DNAH14: variants seen among roughly 807,000 people sequenced by gnomAD.
The protein encoded by DNAH14 is axonemal beta dynein heavy chain 14.
A neutral mutation model predicts 520.9 loss-of-function variants in DNAH14; 478 were observed. The ratio of observed to expected loss-of-function variants is 0.92; its 90% CI spans 0.85 to 0.99. The LOEUF (loss-of-function observed/expected upper bound fraction) is 0.99, where lower values mean the gene tolerates loss of function less well. Among genes scored for constraint, DNAH14 ranks in the 50% least tolerant of loss-of-function variants. The probability of loss-of-function intolerance (pLI) is 0.00; values close to 1 mark genes in which losing one functional copy is unlikely to be tolerated. For synonymous variants in DNAH14, 1,581 were observed against 1,757.2 expected (o/e 0.90, Z 2.51); for missense variants, 4,831 against 5,234.5 (o/e 0.92, Z 2.38).
chr1:225,316,619 C>G (rs1574721931), intron 60 of DNAH14, among the ~76,000 whole-genome samples: 1 of 152,188 alleles, frequency 6.6e-6, no homozygotes, highest in Non-Finnish European at 1.5e-5. Flanking sequence ...TTCCCTGACC[C>G]CTTGTGCTTC....
chr1:225,388,582 G>A, intron 82 of DNAH14, 91 bp downstream of exon 82: 3 of 697,854 alleles, frequency 4.3e-6, no homozygotes, highest in South Asian at 2.3e-5. Context: ...GTCTCCTTGG[G>A]TTCTCACAGT....
chr1:225,051,484 A>G lies in DNAH14; in HGVS notation c.2113A>G (p.Met705Val), dbSNP rs140164319. 1.1e-4 allele frequency: 175 copies of G among 1,523,922 alleles called. No individual in the cohort carries two copies. In the African/African-American group the frequency reaches 2.1e-3, roughly 18 times the overall value. The allele number at this position is 1,523,922 out of a possible 1,614,324, so 94.4% of individuals were successfully genotyped here. ...TCTCCTGACTATTATTGGTAATTCA[A>G]TGGGCCTAGTTAATGCTTACAGCCA... ...VNLLTIIGNS[M>V]GLVNAYSHKF... Residue 705 changes from methionine to valine, a missense_variant, in exon 17 of 86, where the codon ATG becomes GTG. Transcript: ENST00000682510.
intron 77 of DNAH14, among the ~76,000 whole-genome samples, chr1:225,374,237 T>C (rs2095663309): frequency 1.7e-5 from 1 of 59,202 alleles, no homozygotes; most frequent in East Asian, 5.4e-4. Flanking sequence ...ATATATAATA[T>C]ATATATTTGT....
At chr1:224,976,598 G>T (rs2125666231) in intron 8 of DNAH14, among the ~76,000 whole-genome samples, 1 of 151,744 alleles carries the variant, frequency 6.6e-6, no homozygotes, top group African/African-American at 2.4e-5. Context: ...TCTGACAAAG[G>T]GCTAATATCC....
chr1:224,933,926 C>G (rs1046786303), intron 1 of DNAH14, among the ~76,000 whole-genome samples: 7 of 151,612 alleles, frequency 4.6e-5, no homozygotes, highest in African/African-American at 1.5e-4. Flanking sequence ...ACAGATATCA[C>G]TAACGTTGTT....
At chr1:225,392,549 A>C in intron 84 of DNAH14, 98 bp downstream of exon 84, 1 of 1,427,162 alleles carries the variant, frequency 7.0e-7, no homozygotes, top group Non-Finnish European at 9.4e-7. Flanking sequence ...CTCAGCACTT[A>C]CCACATGCCA....
intron 46 of DNAH14, among the ~76,000 whole-genome samples, chr1:225,262,662 G>T (rs983514225): frequency 2.0e-5 from 3 of 151,910 alleles, no homozygotes; most frequent in Admixed American, 6.6e-5. Context: ...GTAAGTATTT[G>T]GCTTTATTTC....
At chr1:225,348,445 G>A (rs2095319026) in intron 71 of DNAH14, among the ~76,000 whole-genome samples, 1 of 152,052 alleles carries the variant, frequency 6.6e-6, no homozygotes, top group Non-Finnish European at 1.5e-5. Flanking sequence ...ACTGTCTAAA[G>A]TCAAAGACAA....
intron 30 of DNAH14, 21 bp from the exon 31 acceptor site, chr1:225,147,083 A>G: frequency 6.9e-7 from 1 of 1,457,836 alleles, no homozygotes; most frequent in Non-Finnish European, 9.2e-7. Context: ...TTAGTAATCA[A>G]TCTCTTTTTT....
chr1:225,109,821 C>A (rs1016313765), intron 23 of DNAH14, among the ~76,000 whole-genome samples: 3 of 152,040 alleles, frequency 2.0e-5, no homozygotes, highest in Non-Finnish European at 4.4e-5. Context: ...CATTTTCTCC[C>A]CATTTAGTGT....
At chr1:225,168,095 G>A in intron 36 of DNAH14, 67 bp downstream of exon 36, 7 of 895,298 alleles carry the variant, frequency 7.8e-6, no homozygotes, top group African/African-American at 1.8e-5. Context: ...AAAATAAAGG[G>A]CAAAAATAAT....
chr1:225,195,178 A>C (rs1004611677), intron 38 of DNAH14, among the ~76,000 whole-genome samples: 1 of 152,166 alleles, frequency 6.6e-6, no homozygotes, highest in African/African-American at 2.4e-5. Context: ...AAATTAACAT[A>C]AATCATTCTA....
chr1:224,996,059 G>A (rs532006627), intron 8 of DNAH14, among the ~76,000 whole-genome samples: 2 of 152,182 alleles, frequency 1.3e-5, no homozygotes, highest in East Asian at 3.9e-4. Flanking sequence ...AAGTGATGGG[G>A]CTTTGTTAGT....
chr1:225,116,053 G>C (rs1490072376), intron 23 of DNAH14, among the ~76,000 whole-genome samples: 1 of 152,198 alleles, frequency 6.6e-6, no homozygotes, highest in East Asian at 1.9e-4. Context: ...ATTAGAGAAG[G>C]ATGGGTAGGT....
At chr1:225,395,097 T>A (rs145041328) in intron 84 of DNAH14, among the ~76,000 whole-genome samples, 1 of 152,292 alleles carries the variant, frequency 6.6e-6, no homozygotes, top group East Asian at 1.9e-4. Flanking sequence ...TGTAGTTGGT[T>A]ATAAGGTATG....
intron 10 of DNAH14, among the ~76,000 whole-genome samples, chr1:225,016,726 G>A (rs917595237): frequency 6.6e-6 from 1 of 150,446 alleles, no homozygotes; most frequent in African/African-American, 2.4e-5. Context: ...TTTCTTCACT[G>A]TTTTTTTTCT....
intron 69 of DNAH14, 86 bp from the exon 70 acceptor site, chr1:225,345,876 C>A (rs936273769): frequency 8.5e-7 from 1 of 1,172,752 alleles, no homozygotes; most frequent in South Asian, 1.6e-5. Context: ...ACAGTACAAA[C>A]CCTTACACAA....
At chr1:225,098,798 A>G (rs2075208854) in intron 22 of DNAH14, among the ~76,000 whole-genome samples, 1 of 152,204 alleles carries the variant, frequency 6.6e-6, no homozygotes, top group African/African-American at 2.4e-5. Flanking sequence ...ATTCTAGGCA[A>G]GAGAGTTCAA....
rs1287592112 is a variant in DNAH14, at chr1:225,043,068, C to T, written c.1722C>T (p.Ala574=). Residue 574 remains alanine, a synonymous_variant, in exon 13 of 86, where the codon GCC becomes GCT. Coordinates refer to ENST00000682510, the MANE Select transcript of DNAH14 (RefSeq NM_001367479.1). ...KHSSEELLPK[A]KKSKEISYNL... ...CAAGTGAAGAATTGCTCCCAAAAGC[C>T]AAGAAATCAAAAGAAATTAGTTACA... The T allele has an allele frequency of 6.4e-7, 1 of 1,550,978 alleles. No individual in the cohort carries two copies. The highest frequency in any genetic ancestry group is 8.7e-7 in the Non-Finnish European group (1 of 1,146,848).
Sources: allele counts gnomAD v4.1 joint callset (sites outside exome capture counted in the v4.1 genomes callset), GRCh38; gene constraint gnomAD v4.1.1; transcripts MANE v1.5; gene names NCBI Gene and HGNC (gene_info 2026-07-23, HGNC 2026-07-21).